Variants in SYN3 observed in about 807,000 individuals in gnomAD.
SYN3 encodes the protein synapsin-3.
SYN3 carries 35 observed loss-of-function variants against 65.8 expected under a neutral mutation model. That is an observed-to-expected ratio of 0.53 (90% CI 0.41 to 0.70). The LOEUF (loss-of-function observed/expected upper bound fraction) is 0.70, where lower values mean the gene tolerates loss of function less well. SYN3 is among the 30% of genes least tolerant of loss of function. The probability of loss-of-function intolerance (pLI) is 0.00; values close to 1 mark genes in which losing one functional copy is unlikely to be tolerated. For missense variants in SYN3, 680 were observed against 749.0 expected (o/e 0.91, Z 1.08); for synonymous variants, 270 against 292.9 (o/e 0.92, Z 0.80).
chr22:32,831,908 G>A (rs528716598), intron 6 of SYN3, among the ~76,000 whole-genome samples: 2 of 152,264 alleles, frequency 1.3e-5, no homozygotes, highest in South Asian at 4.1e-4. Flanking sequence ...TTGTTGAAGG[G>A]CACTAAAATT....
At chr22:32,659,617 A>C (rs1337649102) in intron 6 of SYN3, among the ~76,000 whole-genome samples, 1 of 152,200 alleles carries the variant, frequency 6.6e-6, no homozygotes, top group Non-Finnish European at 1.5e-5. Flanking sequence ...TTTTCACCCT[A>C]GGAGCACAGG....
At chr22:32,690,113 T>A (rs2060642793) in intron 6 of SYN3, among the ~76,000 whole-genome samples, 1 of 151,834 alleles carries the variant, frequency 6.6e-6, no homozygotes, top group Non-Finnish European at 1.5e-5. Context: ...GAGGTGGAGG[T>A]TGCAGTTAGC....
intron 3 of SYN3, among the ~76,000 whole-genome samples, chr22:32,969,493 T>A (rs574862524): frequency 3.9e-5 from 6 of 152,330 alleles, no homozygotes; most frequent in African/African-American, 1.2e-4. Flanking sequence ...GTTTTTGCTA[T>A]TTTTTTGCTT....
At chr22:32,677,736 G>A (rs1180641899) in intron 6 of SYN3, among the ~76,000 whole-genome samples, 2 of 152,074 alleles carry the variant, frequency 1.3e-5, no homozygotes, top group African/African-American at 2.4e-5. Flanking sequence ...GGGAGGTTGA[G>A]CTTGCAGTGA....
chr22:32,955,444 G>C (rs1424374677), intron 3 of SYN3, among the ~76,000 whole-genome samples: 1 of 152,064 alleles, frequency 6.6e-6, no homozygotes, highest in African/African-American at 2.4e-5. Context: ...TGAGCCATGC[G>C]GACACCTGGG....
chr22:32,997,284 G>A (rs1161763329), intron 2 of SYN3, among the ~76,000 whole-genome samples: 6 of 152,190 alleles, frequency 3.9e-5, no homozygotes, highest in South Asian at 4.1e-4. Flanking sequence ...GTCAGGGGAC[G>A]TGCACAGATG....
At chr22:32,947,391 G>A (rs914283984) in intron 3 of SYN3, 3 of 152,174 alleles carry the variant, frequency 2.0e-5, no homozygotes, top group Admixed American at 1.3e-4. Context: ...CTGGCACACA[G>A]TAGGTATTCA....
At chr22:32,852,714 T>C (rs2048255308) in intron 6 of SYN3, among the ~76,000 whole-genome samples, 1 of 151,626 alleles carries the variant, frequency 6.6e-6, no homozygotes, top group South Asian at 2.1e-4. Context: ...TCAGGAACAC[T>C]TCAGTACACA....
Position 32,729,264 on chromosome 22 carries a change from TA to T in SYN3, c.712-132529del, listed in dbSNP as rs543466178. Among the ~76,000 whole-genome samples the T allele has an allele frequency of 2.1e-4, 32 of 152,276 alleles. No homozygotes were observed. In the South Asian group the frequency reaches 6.6e-3, roughly 32 times the overall value. On this transcript the variant is annotated intron_variant, in intron 6 of 13. Coordinates refer to ENST00000358763, the MANE Select transcript of SYN3 (RefSeq NM_003490.4). ...CACAAAGCAGATCCTCAATAAATATTAAACGAATGAGTGAGTGAATGAATGA... is the reference window on the plus strand; with the variant it reads ...CACAAAGCAGATCCTCAATAAATATTAACGAATGAGTGAGTGAATGAATGA...
In SYN3 at chr22:32,535,784, G is replaced by T. The variant is rs376021247; in HGVS notation, c.993-1889C>A. 6.6e-4 allele frequency among the ~76,000 whole-genome samples: 101 copies of T among 152,106 alleles called. 2 individuals are homozygous for T. The South Asian group carries it at 0.017, about 26-fold the overall frequency. On this transcript the variant is annotated intron_variant, in intron 9 of 13. Transcript: ENST00000358763. ...AGCGTGAGAGTGCTTGGAGAATCGG[G>T]GGGGGGGCCCTGCTCCCCTCCTGCC...
At chr22:32,649,800 A>G (rs1395187483) in intron 6 of SYN3, among the ~76,000 whole-genome samples, 2 of 152,222 alleles carry the variant, frequency 1.3e-5, no homozygotes, top group Non-Finnish European at 1.5e-5. Context: ...CTAAATAGGG[A>G]CAGGGCGGTA....
chr22:32,510,909 CAG>C lies in SYN3; in HGVS notation c.*2781_*2782del, dbSNP rs143986625. On this transcript the variant is annotated 3_prime_UTR_variant, in exon 14 of 14. Coordinates refer to ENST00000358763, the MANE Select transcript of SYN3 (RefSeq NM_003490.4). ...CCATTCTCCTCTTGAAGCCGGTTAT[CAG>C]AGAACTATGAACTCATAGCGAGGTG... is the stretch of plus-strand genomic sequence containing the variant. 0.039 allele frequency among the ~76,000 whole-genome samples: 5,860 copies of C among 151,686 alleles called. 356 individuals are homozygous for C. Among genetic ancestry groups the C allele is most frequent in the African/African-American group, 0.13 (5,425 of 41,218 alleles).
rs57215045 is a variant in SYN3, at chr22:32,539,791, G to GAAAA, written c.918-1685_918-1682dup. On this transcript the variant is annotated intron_variant, in intron 8 of 13. Transcript: ENST00000358763. The stretch of plus-strand genomic sequence containing the variant: ...AATGCTGCAATGAGGTAATCCTCAA[G>GAAAA]AAAAAAAAAAACTGGGACAAGGTGT... Among the ~76,000 whole-genome samples, 1,243 of 147,234 alleles carry GAAAA rather than the reference G, an allele frequency of 8.4e-3. 8 individuals carry two copies. Among genetic ancestry groups the GAAAA allele is most frequent in the African/African-American group, 0.019 (771 of 39,974 alleles).
At chr22:33,000,596 C>T (rs1015999530) in intron 2 of SYN3, among the ~76,000 whole-genome samples, 1 of 152,168 alleles carries the variant, frequency 6.6e-6, no homozygotes, top group African/African-American at 2.4e-5. Context: ...GACAGAGAAA[C>T]GTCTGTCTTC....
chr22:32,791,572 A>T (rs1281783603), intron 6 of SYN3, among the ~76,000 whole-genome samples: 4 of 151,504 alleles, frequency 2.6e-5, no homozygotes, highest in Non-Finnish European at 4.4e-5. Context: ...TGACCTTTGC[A>T]TCCCTTCTTA....
intron 4 of SYN3, among the ~76,000 whole-genome samples, chr22:32,907,855 C>G (rs1193974001): frequency 6.6e-6 from 1 of 152,108 alleles, no homozygotes; most frequent in Non-Finnish European, 1.5e-5. Context: ...GGGTAACTAA[C>G]GATTATAGAG....
intron 4 of SYN3, among the ~76,000 whole-genome samples, chr22:32,877,414 C>G (rs1290258657): frequency 6.6e-6 from 1 of 152,180 alleles, no homozygotes; most frequent in East Asian, 1.9e-4. Flanking sequence ...AGCTTCACAG[C>G]CTGTTGGCTC....
In SYN3 at chr22:32,951,886, T is replaced by C. The variant is rs1373420662; in HGVS notation, c.370-20405A>G. ...TTGCAGCATCTGTCAGCGAAGCCCA[T>C]GGGCCCCCTCCCCTCCTCCATTCGG... On this transcript the variant is annotated intron_variant, in intron 3 of 13. Coordinates refer to ENST00000358763, the MANE Select transcript of SYN3 (RefSeq NM_003490.4). Among the ~76,000 whole-genome samples, 4 of 152,180 alleles carry C rather than the reference T, an allele frequency of 2.6e-5. No homozygotes were observed. In the East Asian group the frequency reaches 7.7e-4, roughly 29 times the overall value.
At chr22:32,584,670 T>C (rs537091768) in intron 7 of SYN3, among the ~76,000 whole-genome samples, 1 of 152,354 alleles carries the variant, frequency 6.6e-6, no homozygotes, top group South Asian at 2.1e-4. Flanking sequence ...TTCCTGGGCC[T>C]CTGTCCCTCT....
Sources: allele counts gnomAD v4.1 joint callset (sites outside exome capture counted in the v4.1 genomes callset), GRCh38; gene constraint gnomAD v4.1.1; transcripts MANE v1.5; gene names NCBI Gene and HGNC (gene_info 2026-07-23, HGNC 2026-07-21).